XYLT1: variants seen among roughly 807,000 people sequenced by gnomAD.
The protein encoded by XYLT1 is xylosyltransferase 1.
A neutral mutation model predicts 91.3 loss-of-function variants in XYLT1; 36 were observed. That is an observed-to-expected ratio of 0.39 (90% CI 0.30 to 0.52). The LOEUF is 0.52. Ranked by LOEUF, XYLT1 falls within the 20% of genes least tolerant of loss-of-function variation. The pLI is 0.68. For missense variants in XYLT1, 1,242 were observed against 1,284.5 expected (o/e 0.97, Z 0.51); for synonymous variants, 588 against 532.0 (o/e 1.11, Z -1.45).
intron 3 of XYLT1, among the ~76,000 whole-genome samples, chr16:17,246,557 T>C (rs985898608): frequency 6.6e-6 from 1 of 152,220 alleles, no homozygotes; most frequent in African/African-American, 2.4e-5. Context: ...CACTTGCAAA[T>C]GTGACCCTGG....
At chr16:17,400,317 G>A (rs1296346534) in intron 1 of XYLT1, among the ~76,000 whole-genome samples, 2 of 152,222 alleles carry the variant, frequency 1.3e-5, no homozygotes, top group Middle Eastern at 3.4e-3. Flanking sequence ...GGGGCTGGGC[G>A]CCATGGCTCA....
intron 1 of XYLT1, among the ~76,000 whole-genome samples, chr16:17,402,406 A>T (rs2035981685): frequency 6.6e-6 from 1 of 152,236 alleles, no homozygotes; most frequent in Non-Finnish European, 1.5e-5. Flanking sequence ...CAATGGGTAT[A>T]AATACAGAAA....
intron 2 of XYLT1, among the ~76,000 whole-genome samples, chr16:17,338,800 G>A (rs1219060039): frequency 6.6e-6 from 1 of 152,102 alleles, no homozygotes; most frequent in Non-Finnish European, 1.5e-5. Flanking sequence ...GGTCAGGCTG[G>A]TCTTAAACTC....
chr16:17,285,235 T>G (rs2034117377), intron 2 of XYLT1, among the ~76,000 whole-genome samples: 1 of 152,228 alleles, frequency 6.6e-6, no homozygotes, highest in South Asian at 2.1e-4. Flanking sequence ...GCTGCAAGCT[T>G]GGGTGACTAG....
chr16:17,459,632 T>C (rs915709631), intron 1 of XYLT1, among the ~76,000 whole-genome samples: 1 of 152,192 alleles, frequency 6.6e-6, no homozygotes, highest in Non-Finnish European at 1.5e-5. Context: ...TATCCACAGC[T>C]CTTTCTTTTC....
intron 2 of XYLT1, among the ~76,000 whole-genome samples, chr16:17,276,961 G>T (rs961186183): frequency 8.5e-5 from 13 of 152,178 alleles, no homozygotes; most frequent in African/African-American, 2.7e-4. Context: ...AAAGGTAGCG[G>T]TTACCCACAT....
chr16:17,448,971 G>T (rs1415951974), intron 1 of XYLT1, among the ~76,000 whole-genome samples: 1 of 152,194 alleles, frequency 6.6e-6, no homozygotes, highest in South Asian at 2.1e-4. Context: ...GAGCCAGGCT[G>T]CGAACTCCGG....
chr16:17,158,867 A>G lies in XYLT1; in HGVS notation c.1332T>C (p.Asp444=), dbSNP rs1358988025. The G allele has an allele frequency of 6.2e-7, 1 of 1,614,094 alleles. No homozygotes were observed. The highest frequency in any genetic ancestry group is 1.1e-5 in the South Asian group (1 of 91,070). The change falls in exon 6 of 12, where the codon GAT becomes GAC. Residue 444 remains aspartate, a synonymous_variant. Transcript: ENST00000261381. ...QLVAFLSRYR[D]MNFLKSHGRD... ...GGCCGTGTGACTTCAAGAAATTCAT[A>G]TCTCGGTATCGGGAGAGAAACGCCA...
At chr16:17,410,843 C>T (rs1215767237) in intron 1 of XYLT1, among the ~76,000 whole-genome samples, 3 of 151,954 alleles carry the variant, frequency 2.0e-5, no homozygotes, top group Non-Finnish European at 4.4e-5. Context: ...GGTTTCACCA[C>T]GTTGGCCAGG....
At chr16:17,234,492 G>A (rs953100936) in intron 3 of XYLT1, among the ~76,000 whole-genome samples, 10 of 151,870 alleles carry the variant, frequency 6.6e-5, no homozygotes, top group Non-Finnish European at 1.3e-4. Context: ...AATAAATAAT[G>A]GGTAAATAAG....
At chr16:17,461,505 C>T (rs1037682633) in intron 1 of XYLT1, among the ~76,000 whole-genome samples, 55 of 152,088 alleles carry the variant, frequency 3.6e-4, no homozygotes, top group Admixed American at 1.9e-3. Context: ...CTTCTAACTG[C>T]AGGAGTGGAG....
chr16:17,455,841 G>A (rs2036734236), intron 1 of XYLT1, among the ~76,000 whole-genome samples: 1 of 152,174 alleles, frequency 6.6e-6, no homozygotes, highest in African/African-American at 2.4e-5. Context: ...CAAAATACAT[G>A]GCCTTCAACC....
At chr16:17,235,307 A>T (rs1292036268) in intron 3 of XYLT1, among the ~76,000 whole-genome samples, 7 of 79,968 alleles carry the variant, frequency 8.8e-5, no homozygotes, top group East Asian at 2.5e-4. Flanking sequence ...CATCATTATC[A>T]TCTTTTTTTT....
intron 1 of XYLT1, among the ~76,000 whole-genome samples, chr16:17,379,751 TCTC>T (rs1567401390): frequency 3.8e-4 from 47 of 124,528 alleles, no homozygotes; most frequent in African/African-American, 1.5e-3. Context: ...TCTCTCTCTC[TCTC>T]TCTCTCTCTC....
rs1446733763 is a variant in XYLT1, at chr16:17,104,566, C to T, written c.*4129G>A. On this transcript the variant is annotated 3_prime_UTR_variant, in exon 12 of 12. Coordinates refer to ENST00000261381, the MANE Select transcript of XYLT1 (RefSeq NM_022166.4). ...GGCAATGCATAATCTCACTTTAAAC[C>T]ACCTCTCCAGAGAGCAGAGGTTGCT... 6.6e-6 allele frequency: 1 copy of T among 152,122 alleles called. No individual in the cohort carries two copies. The allele number at this position is 152,122 out of a possible 1,614,324, so 9.4% of individuals were successfully genotyped here. A position where few individuals can be genotyped will look rare whatever the true frequency, so the allele number is the denominator to read the frequency against.
intron 8 of XYLT1, chr16:17,137,514 A>C (rs906637360): frequency 3.9e-5 from 6 of 152,270 alleles, no homozygotes; most frequent in Non-Finnish European, 8.8e-5. Flanking sequence ...CTCTGCTGCT[A>C]GGTGTGGGGA....
rs550488299 is a variant in XYLT1 at position 17,192,092 on chromosome 16, C to CTTT, written c.1289+6117_1289+6119dup. Among the ~76,000 whole-genome samples, 360 of 126,770 alleles carry CTTT rather than the reference C, an allele frequency of 2.8e-3. 5 individuals are homozygous for CTTT. The highest frequency in any genetic ancestry group is 0.011 in the African/African-American group (339 of 32,260). The allele number at this position is 126,770 out of a possible 152,430, so 83.2% of individuals were successfully genotyped here. ...TGAGGCGTGAGGTCTCTCTCTCTCT[C>CTTT]TTTTTTTTTTTTTTTTTTTTTTTTA... On this transcript the variant is annotated intron_variant, in intron 5 of 11. Coordinates refer to ENST00000261381, the MANE Select transcript of XYLT1 (RefSeq NM_022166.4).
intron 3 of XYLT1, among the ~76,000 whole-genome samples, chr16:17,240,390 G>A (rs1245729986): frequency 6.6e-6 from 1 of 152,208 alleles, no homozygotes; most frequent in Non-Finnish European, 1.5e-5. Context: ...GAGCCACACA[G>A]TTCCAAGTAC....
intron 3 of XYLT1, among the ~76,000 whole-genome samples, chr16:17,240,922 C>T (rs914898046): frequency 6.6e-6 from 1 of 152,278 alleles, no homozygotes; most frequent in Admixed American, 6.5e-5. Context: ...GGATTCAACT[C>T]TAGAACCCCA....
Sources: allele counts gnomAD v4.1 joint callset (sites outside exome capture counted in the v4.1 genomes callset), GRCh38; gene constraint gnomAD v4.1.1; transcripts MANE v1.5; gene names NCBI Gene and HGNC (gene_info 2026-07-23, HGNC 2026-07-21).